Variants in GUCY1A2 observed in about 807,000 individuals in gnomAD.
The protein encoded by GUCY1A2 is guanylate cyclase 1 soluble subunit alpha 2, also known as guanylate cyclase soluble subunit alpha-2.
A neutral mutation model predicts 63.5 loss-of-function variants in GUCY1A2; 27 were observed. That is an observed-to-expected ratio of 0.43 (90% CI 0.31 to 0.59). The LOEUF (loss-of-function observed/expected upper bound fraction) is 0.59. Among genes scored for constraint, GUCY1A2 ranks in the 20% least tolerant of loss-of-function variants. The probability of loss-of-function intolerance (pLI) is 0.11; values close to 1 mark genes in which losing one functional copy is unlikely to be tolerated. For synonymous variants in GUCY1A2, 364 were observed against 343.5 expected (o/e 1.06, Z -0.66); for missense variants, 768 against 913.3 (o/e 0.84, Z 2.05).
At chr11:106,711,990 G>T (rs191958076) in intron 6 of GUCY1A2, among the ~76,000 whole-genome samples, 1 of 151,706 alleles carries the variant, frequency 6.6e-6, no homozygotes, top group East Asian at 1.9e-4. Context: ...TCAGTTTTAG[G>T]TAATTTAGTT....
intron 4 of GUCY1A2, among the ~76,000 whole-genome samples, chr11:106,919,974 T>C (rs972787800): frequency 3.9e-5 from 6 of 152,044 alleles, no homozygotes; most frequent in Non-Finnish European, 8.8e-5. Flanking sequence ...CTTTAAAAAT[T>C]GAGATGCGCT....
intron 5 of GUCY1A2, among the ~76,000 whole-genome samples, chr11:106,803,501 A>C (rs570804072): frequency 6.6e-6 from 1 of 152,268 alleles, no homozygotes; most frequent in East Asian, 1.9e-4. Context: ...CACAATGTTT[A>C]TGTACATAAA....
chr11:106,893,070 C>G (rs560036330), intron 4 of GUCY1A2, among the ~76,000 whole-genome samples: 1 of 152,204 alleles, frequency 6.6e-6, no homozygotes, highest in Non-Finnish European at 1.5e-5. Context: ...AAATCTTCTT[C>G]CCAAAAAATG....
intron 3 of GUCY1A2, among the ~76,000 whole-genome samples, chr11:106,943,830 C>A (rs1032675814): frequency 3.3e-5 from 5 of 152,044 alleles, no homozygotes; most frequent in Admixed American, 6.6e-5. Context: ...AACAGGGGTA[C>A]ACAGGAGTAC....
intron 4 of GUCY1A2, among the ~76,000 whole-genome samples, chr11:106,879,120 G>C (rs1190681548): frequency 6.6e-6 from 1 of 152,098 alleles, no homozygotes; most frequent in Middle Eastern, 3.4e-3. Context: ...GTCTTTTTTA[G>C]TGCGTTAATT....
At position 106,900,119 on chromosome 11, in the gene GUCY1A2, G is replaced by T. The variant is rs1860110651; in HGVS notation, c.1206+39341C>A. On this transcript the variant is annotated intron_variant, in intron 4 of 7. Coordinates refer to ENST00000526355, the MANE Select transcript of GUCY1A2 (RefSeq NM_000855.3). ...AAAAAAAAAACAATCTATAATATAT[G>T]TAGCCAATCAATGTAAGATGCCTGA... 5.3e-5 allele frequency among the ~76,000 whole-genome samples: 8 copies of T among 150,374 alleles called. No homozygotes were observed. The South Asian group carries it at 1.5e-3, about 28-fold the overall frequency.
intron 5 of GUCY1A2, among the ~76,000 whole-genome samples, chr11:106,794,532 A>C (rs1864720249): frequency 6.6e-6 from 1 of 152,068 alleles, no homozygotes; most frequent in Admixed American, 6.6e-5. Flanking sequence ...ACACAAAGGT[A>C]ATTATGTCTG....
chr11:106,901,118 T>C (rs113369965), intron 4 of GUCY1A2, among the ~76,000 whole-genome samples: 185 of 152,366 alleles, frequency 1.2e-3, no homozygotes, highest in African/African-American at 4.2e-3. Flanking sequence ...TGCCCTATTA[T>C]GTAATATCCT....
chr11:106,897,377 T>G (rs1215498045), intron 4 of GUCY1A2, among the ~76,000 whole-genome samples: 2 of 152,080 alleles, frequency 1.3e-5, no homozygotes, highest in African/African-American at 4.8e-5. Context: ...GGCAAAATAC[T>G]TGAAATATAC....
chr11:106,854,061 C>G (rs1859393254), intron 4 of GUCY1A2, among the ~76,000 whole-genome samples: 1 of 152,182 alleles, frequency 6.6e-6, no homozygotes, highest in Non-Finnish European at 1.5e-5. Context: ...TCCTTGGGCC[C>G]TTGGGTAGTA....
At chr11:106,973,628 A>C (rs1861224973) in intron 3 of GUCY1A2, among the ~76,000 whole-genome samples, 1 of 152,090 alleles carries the variant, frequency 6.6e-6, no homozygotes, top group Non-Finnish European at 1.5e-5. Context: ...CACAGTCAAC[A>C]ACTCTGGAAG....
At chr11:106,707,660 T>A (rs1862939758) in intron 7 of GUCY1A2, among the ~76,000 whole-genome samples, 1 of 152,002 alleles carries the variant, frequency 6.6e-6, no homozygotes, top group African/African-American at 2.4e-5. Flanking sequence ...TTTTTATAAG[T>A]TTGGGGATAT....
rs1238740936 is a variant in GUCY1A2 at position 106,875,379 on chromosome 11, G to A, written c.1206+64081C>T. Among the ~76,000 whole-genome samples, 5 of 152,232 alleles carry A rather than the reference G, an allele frequency of 3.3e-5. 1 individual carries two copies. In the South Asian group the frequency reaches 6.2e-4, roughly 19 times the overall value. The stretch of plus-strand genomic sequence containing the variant: ...CAAGAGTGGAGTCTTGACAGAAACT[G>A]ATAGATGAACAACTAAAATCAGCTT... On this transcript the variant is annotated intron_variant, in intron 4 of 7. Coordinates refer to ENST00000526355, the MANE Select transcript of GUCY1A2 (RefSeq NM_000855.3).
intron 4 of GUCY1A2, among the ~76,000 whole-genome samples, chr11:106,906,056 C>G (rs1565327238): frequency 6.6e-6 from 1 of 152,050 alleles, no homozygotes; most frequent in African/African-American, 2.4e-5. Context: ...GACTAAGACA[C>G]CAAAAGCAAT....
intron 6 of GUCY1A2, among the ~76,000 whole-genome samples, chr11:106,738,890 C>T (rs1328746467): frequency 6.6e-6 from 1 of 152,024 alleles, no homozygotes; most frequent in Non-Finnish European, 1.5e-5. Flanking sequence ...TTTTTGGTTC[C>T]ATATGAAATT....
intron 5 of GUCY1A2, among the ~76,000 whole-genome samples, chr11:106,785,645 A>G (rs1864542978): frequency 6.6e-6 from 1 of 152,072 alleles, no homozygotes; most frequent in East Asian, 1.9e-4. Context: ...GTGGCCCTTA[A>G]GCAAGTTTTC....
intron 4 of GUCY1A2, among the ~76,000 whole-genome samples, chr11:106,816,638 A>G (rs1858836028): frequency 6.6e-6 from 1 of 151,702 alleles, no homozygotes; most frequent in South Asian, 2.1e-4. Context: ...AAACAGGAAA[A>G]CAATAAAGAA....
At chr11:106,916,384 T>A (rs1482407391) in intron 4 of GUCY1A2, among the ~76,000 whole-genome samples, 4 of 145,454 alleles carry the variant, frequency 2.8e-5, no homozygotes, top group African/African-American at 7.3e-5. Flanking sequence ...TAATCCACAT[T>A]GATAAAATCA....
At chr11:106,953,701 C>T (rs946975716) in intron 3 of GUCY1A2, among the ~76,000 whole-genome samples, 1 of 151,848 alleles carries the variant, frequency 6.6e-6, no homozygotes, top group Non-Finnish European at 1.5e-5. Context: ...AATTTTAGAG[C>T]TTGTTATTGG....
Sources: gnomAD v4.1 joint callset for allele counts (sites outside exome capture counted in the v4.1 genomes callset) on GRCh38, gnomAD v4.1.1 for gene constraint, MANE v1.5 for transcripts, NCBI Gene and HGNC (gene_info 2026-07-23, HGNC 2026-07-21) for gene names.